DDX10: variants seen among roughly 807,000 people sequenced by gnomAD.
DDX10 encodes the protein probable ATP-dependent RNA helicase DDX10.
A neutral mutation model predicts 104.3 loss-of-function variants in DDX10; 74 were observed. The ratio of observed to expected loss-of-function variants is 0.71; its 90% CI spans 0.59 to 0.86. DDX10 has a LOEUF of 0.86. Ranked by LOEUF, DDX10 falls within the 40% of genes least tolerant of loss-of-function variation. The pLI, the probability that DDX10 is intolerant of heterozygous loss-of-function variation, is 0.00. For synonymous variants in DDX10, 351 were observed against 353.4 expected, an observed-to-expected ratio of 0.99 and a Z score of 0.08; for missense variants, 952 against 1,040.0, an observed-to-expected ratio of 0.92 and a Z score of 1.16.
chr11:108,773,960 A>G (rs1484503646), intron 13 of DDX10, among the ~76,000 whole-genome samples: 1 of 152,210 alleles, frequency 6.6e-6, no homozygotes, highest in Non-Finnish European at 1.5e-5. Flanking sequence ...AGAGACACAA[A>G]GAATGGTGAG....
At chr11:108,859,301 A>G (rs560416993) in intron 16 of DDX10, among the ~76,000 whole-genome samples, 6 of 152,358 alleles carry the variant, frequency 3.9e-5, no homozygotes, top group South Asian at 2.1e-4. Flanking sequence ...TTTAATGACT[A>G]TGTCAGAATG....
chr11:108,789,373 A>G (rs1320990560), intron 13 of DDX10, among the ~76,000 whole-genome samples: 1 of 152,222 alleles, frequency 6.6e-6, no homozygotes, highest in African/African-American at 2.4e-5. Flanking sequence ...TAATCTATCT[A>G]GGAAACAGAT....
intron 13 of DDX10, among the ~76,000 whole-genome samples, chr11:108,827,615 T>A (rs1237704635): frequency 1.3e-5 from 2 of 152,206 alleles, no homozygotes. Flanking sequence ...CCATAATTCA[T>A]AATTTATAAG....
intron 17 of DDX10, among the ~76,000 whole-genome samples, chr11:108,924,353 A>G (rs760700009): frequency 5.3e-5 from 8 of 152,304 alleles, no homozygotes; most frequent in East Asian, 1.9e-4. Flanking sequence ...CATAAGACCA[A>G]TTACATCTAT....
intron 16 of DDX10, among the ~76,000 whole-genome samples, chr11:108,904,963 A>G (rs1314283267): frequency 6.6e-6 from 1 of 152,208 alleles, no homozygotes; most frequent in Non-Finnish European, 1.5e-5. Flanking sequence ...CAAGGCTTTC[A>G]GGGATGAATG....
intron 13 of DDX10, among the ~76,000 whole-genome samples, chr11:108,751,287 G>A (rs2094338393): frequency 6.6e-6 from 1 of 151,796 alleles, no homozygotes; most frequent in Admixed American, 6.6e-5. Flanking sequence ...AAAAATTCAG[G>A]GTTTGGGGAT....
At chr11:108,756,391 A>G (rs944157523) in intron 13 of DDX10, among the ~76,000 whole-genome samples, 4 of 152,060 alleles carry the variant, frequency 2.6e-5, no homozygotes, top group Non-Finnish European at 4.4e-5. Flanking sequence ...TGCAAACACA[A>G]TGGAGTTTAT....
intron 13 of DDX10, among the ~76,000 whole-genome samples, chr11:108,779,517 C>G (rs1004622577): frequency 2.6e-5 from 4 of 151,358 alleles, no homozygotes; most frequent in Admixed American, 2.6e-4. Flanking sequence ...TGGGGAACAT[C>G]ACACACTGGG....
At chr11:108,834,228 C>G (rs1156708320) in intron 13 of DDX10, among the ~76,000 whole-genome samples, 1 of 151,084 alleles carries the variant, frequency 6.6e-6, no homozygotes, top group Non-Finnish European at 1.5e-5. Context: ...CTTGGCCTCC[C>G]CAAATGCTGG....
intron 16 of DDX10, among the ~76,000 whole-genome samples, chr11:108,902,317 A>G (rs956329355): frequency 7.2e-5 from 11 of 152,172 alleles, no homozygotes; most frequent in African/African-American, 2.7e-4. Context: ...CATGCCTACA[A>G]GCTATGTTTG....
chr11:108,882,745 GA>G (rs1033980258), intron 16 of DDX10, among the ~76,000 whole-genome samples: 6 of 152,084 alleles, frequency 3.9e-5, no homozygotes, highest in African/African-American at 1.2e-4. Flanking sequence ...AGTACTTTAG[GA>G]AATTACAGAG....
intron 10 of DDX10, among the ~76,000 whole-genome samples, chr11:108,713,888 A>C (rs950934685): frequency 3.9e-5 from 6 of 152,122 alleles, no homozygotes; most frequent in Admixed American, 6.5e-5. Flanking sequence ...CGGACTGTGA[A>C]CTTTACAAAT....
intron 6 of DDX10, among the ~76,000 whole-genome samples, chr11:108,687,610 C>G (rs907896515): frequency 6.6e-6 from 1 of 152,104 alleles, no homozygotes; most frequent in Non-Finnish European, 1.5e-5. Flanking sequence ...GCCTCCTTCC[C>G]CCTTTTAAAA....
intron 13 of DDX10, among the ~76,000 whole-genome samples, chr11:108,778,792 C>T (rs902176913): frequency 1.1e-4 from 16 of 152,036 alleles, no homozygotes; most frequent in African/African-American, 3.9e-4. Flanking sequence ...TACAATCTAC[C>T]CATCTGACAA....
At chr11:108,677,925 A>G (rs891662680) in intron 4 of DDX10, among the ~76,000 whole-genome samples, 3 of 152,064 alleles carry the variant, frequency 2.0e-5, no homozygotes, top group African/African-American at 4.8e-5. Context: ...TTCAGTTCAC[A>G]AAGTACAGTC....
chr11:108,770,423 A>C (rs183183961), intron 13 of DDX10, among the ~76,000 whole-genome samples: 1 of 151,928 alleles, frequency 6.6e-6, no homozygotes, highest in Non-Finnish European at 1.5e-5. Context: ...CTATTATGCT[A>C]TCAAATAGTA....
At chr11:108,860,285 T>A (rs1172926245) in intron 16 of DDX10, among the ~76,000 whole-genome samples, 1 of 152,216 alleles carries the variant, frequency 6.6e-6, no homozygotes, top group Non-Finnish European at 1.5e-5. Flanking sequence ...TAACAAAATA[T>A]GAACTTATTT....
chr11:108,784,705 G>A (rs766474471), intron 13 of DDX10, among the ~76,000 whole-genome samples: 18 of 151,980 alleles, frequency 1.2e-4, no homozygotes, highest in Non-Finnish European at 1.9e-4. Flanking sequence ...ATTAGGTCCC[G>A]TTTATCAATT....
chr11:108,683,358 A>G (rs1421898315), intron 6 of DDX10, among the ~76,000 whole-genome samples: 1 of 152,102 alleles, frequency 6.6e-6, no homozygotes, highest in African/African-American at 2.4e-5. Flanking sequence ...TCTCTCTGGG[A>G]CTTGCGACTG....
Sources: allele counts gnomAD v4.1 joint callset (sites outside exome capture counted in the v4.1 genomes callset), GRCh38; gene constraint gnomAD v4.1.1; transcripts MANE v1.5; gene names NCBI Gene and HGNC (gene_info 2026-07-23, HGNC 2026-07-21).